The following HYDIN variants were observed in gnomAD, a reference collection of about 807,000 sequenced individuals.
HYDIN encodes HYDIN axonemal central pair apparatus protein.
In HYDIN, 132 loss-of-function variants were observed where a neutral mutation model predicts 403.9. That is an observed-to-expected ratio of 0.33 (90% CI 0.28 to 0.38). The LOEUF (loss-of-function observed/expected upper bound fraction) is 0.38. HYDIN is among the 10% of genes least tolerant of loss of function. The probability of loss-of-function intolerance (pLI) is 1.00; values close to 1 mark genes in which losing one functional copy is unlikely to be tolerated. For synonymous variants in HYDIN, 1,202 were observed against 1,891.7 expected (o/e 0.64, Z 9.46); for missense variants, 2,827 against 5,009.5 (o/e 0.56, Z 13.15).
At chr16:70,980,830 G>A (rs2079024271) in intron 29 of HYDIN, among the ~76,000 whole-genome samples, 1 of 152,120 alleles carries the variant, frequency 6.6e-6, no homozygotes, top group African/African-American at 2.4e-5. Context: ...GCTGAGGTTC[G>A]GAATCTGCCA....
intron 47 of HYDIN, among the ~76,000 whole-genome samples, chr16:70,911,561 G>C (rs2076696395): frequency 7.3e-6 from 1 of 136,076 alleles, no homozygotes; most frequent in African/African-American, 2.8e-5. Flanking sequence ...CTCCAGATTT[G>C]TTCTTTTTGC....
At chr16:71,068,938 G>C (rs2082364130) in intron 14 of HYDIN, among the ~76,000 whole-genome samples, 1 of 152,032 alleles carries the variant, frequency 6.6e-6, no homozygotes, top group Non-Finnish European at 1.5e-5. Flanking sequence ...ATAAACCTAA[G>C]TATCAATAAG....
chr16:71,133,408 T>G (rs1326185089), intron 8 of HYDIN: 9 of 375,956 alleles, frequency 2.4e-5, no homozygotes, highest in South Asian at 4.1e-5. Context: ...GATTTTTGTA[T>G]AAACCCTAGG....
intron 15 of HYDIN, among the ~76,000 whole-genome samples, chr16:71,066,242 C>A (rs1157957871): frequency 2.6e-5 from 4 of 151,946 alleles, no homozygotes; most frequent in African/African-American, 7.3e-5. Context: ...ATAGAAAGGA[C>A]CACATTAGGG....
At chr16:70,854,493 C>A (rs1433680990) in intron 73 of HYDIN, among the ~76,000 whole-genome samples, 2 of 152,122 alleles carry the variant, frequency 1.3e-5, no homozygotes, top group African/African-American at 4.8e-5. Flanking sequence ...CAGCTCATTG[C>A]AACCTATGCC....
chr16:70,886,161 G>A (rs377717977), intron 58 of HYDIN, among the ~76,000 whole-genome samples: 1 of 151,830 alleles, frequency 6.6e-6, no homozygotes, highest in Admixed American at 6.5e-5. Context: ...CCTCTGTGAA[G>A]CCTTCAATGA....
chr16:71,113,835 CCT>C (rs767163877), intron 10 of HYDIN: 3 of 152,116 alleles, frequency 2.0e-5, no homozygotes, highest in Non-Finnish European at 4.4e-5. Context: ...CTCAAGAAAT[CCT>C]CTCACGTCAG....
At chr16:71,101,976 T>A (rs1366395396) in intron 10 of HYDIN, among the ~76,000 whole-genome samples, 1 of 152,102 alleles carries the variant, frequency 6.6e-6, no homozygotes, top group Non-Finnish European at 1.5e-5. Context: ...AATTTTTATA[T>A]ATTCAAATAA....
rs1014419888 is a variant in HYDIN at position 70,802,150 on chromosome 16, G to T, written c.*5430C>A. 3 of 152,168 alleles carry T rather than the reference G, an allele frequency of 2.0e-5. No homozygotes were observed. The highest frequency in any genetic ancestry group is 1.3e-4 in the Admixed American group (2 of 15,280). 9.4% of individuals were successfully genotyped at this position (152,168 alleles called of 1,614,324 possible). ...AGGCCTTATAACAGTCTTGAAAATG[G>T]AGTATTTTCCTCAACAGAAACAGGG... On this transcript the variant is annotated 3_prime_UTR_variant, in exon 86 of 86. Transcript: ENST00000393567.
intron 37 of HYDIN, among the ~76,000 whole-genome samples, chr16:70,962,564 A>G: frequency 6.6e-6 from 1 of 152,178 alleles, no homozygotes; most frequent in African/African-American, 2.4e-5. Context: ...TATATTGTAC[A>G]TACTGATGTG....
At chr16:70,964,703 G>C (rs771040334) in intron 37 of HYDIN, 25 bp downstream of exon 37, 48 of 1,612,228 alleles carry the variant, frequency 3.0e-5, no homozygotes, top group Non-Finnish European at 4.0e-5. Context: ...GTTAGCATGA[G>C]GTGTTCTCCA....
At chr16:71,046,318 C>T (rs559960250) in intron 18 of HYDIN, among the ~76,000 whole-genome samples, 36 of 151,636 alleles carry the variant, frequency 2.4e-4, no homozygotes, top group Non-Finnish European at 3.5e-4. Context: ...AAAACAACAT[C>T]CTCACTTTTG....
intron 41 of HYDIN, among the ~76,000 whole-genome samples, chr16:70,945,316 G>A (rs1279535973): frequency 6.6e-6 from 1 of 152,166 alleles, no homozygotes; most frequent in Non-Finnish European, 1.5e-5. Context: ...GGAAAATGGT[G>A]AAATTATTTA....
At chr16:70,836,903 G>A (rs1449619596) in intron 77 of HYDIN, among the ~76,000 whole-genome samples, 2 of 152,168 alleles carry the variant, frequency 1.3e-5, no homozygotes, top group Non-Finnish European at 2.9e-5. Flanking sequence ...CATCAGAAGC[G>A]ACCTTGTCTC....
At chr16:71,040,537 G>A (rs570320978) in intron 18 of HYDIN, among the ~76,000 whole-genome samples, 5 of 118,934 alleles carry the variant, frequency 4.2e-5, no homozygotes, top group African/African-American at 1.7e-4. Flanking sequence ...CCAGAGCTCA[G>A]GGATCCCAGT....
chr16:71,156,168 A>G (rs1469264902), intron 6 of HYDIN, among the ~76,000 whole-genome samples: 1 of 152,032 alleles, frequency 6.6e-6, no homozygotes, highest in Non-Finnish European at 1.5e-5. Context: ...TTTACAGAAA[A>G]AGTGATACTA....
chr16:70,919,434 TGGTGCCACCC>T (rs1224625824), intron 46 of HYDIN, among the ~76,000 whole-genome samples: 1 of 151,998 alleles, frequency 6.6e-6, no homozygotes, highest in Non-Finnish European at 1.5e-5. Flanking sequence ...TTCCCGCCTG[TGGTGCCACCC>T]GGGACCACTG....
intron 21 of HYDIN, among the ~76,000 whole-genome samples, chr16:71,024,835 T>A (rs2080634339): frequency 6.6e-6 from 1 of 151,452 alleles, no homozygotes; most frequent in Non-Finnish European, 1.5e-5. Flanking sequence ...ATCTAATACT[T>A]TAAGTTGATT....
At chr16:70,951,248 C>CAGAGAGACAG in intron 41 of HYDIN, among the ~76,000 whole-genome samples, 1 of 130,306 alleles carries the variant, frequency 7.7e-6, no homozygotes, top group Non-Finnish European at 1.6e-5. Flanking sequence ...GGAAAAGGGA[C>CAGAGAGACAG]AGAGAGAGAG....
Sources: gnomAD v4.1 joint callset for allele counts (sites outside exome capture counted in the v4.1 genomes callset) on GRCh38, gnomAD v4.1.1 for gene constraint, MANE v1.5 for transcripts, NCBI Gene and HGNC (gene_info 2026-07-23, HGNC 2026-07-21) for gene names.